The following TIPARP variants were observed in gnomAD, a reference collection of about 807,000 sequenced individuals.
TIPARP encodes the protein TCDD inducible poly(ADP-ribose) polymerase, also known as protein mono-ADP-ribosyltransferase TIPARP.
A neutral mutation model predicts 56.5 loss-of-function variants in TIPARP; 12 were observed. The observed-to-expected ratio is 0.21, with a 90% CI of 0.14 to 0.34. The LOEUF (loss-of-function observed/expected upper bound fraction) is 0.34. TIPARP is among the 10% of genes least tolerant of loss of function. The pLI, the probability that TIPARP is intolerant of heterozygous loss-of-function variation, is 1.00. For missense variants in TIPARP, 604 were observed against 781.6 expected (o/e 0.77, Z 2.71); for synonymous variants, 296 against 265.7 (o/e 1.11, Z -1.11).
chr3:156,682,175 G>T (rs549108741), intron 2 of TIPARP, among the ~76,000 whole-genome samples: 1 of 152,140 alleles, frequency 6.6e-6, no homozygotes. Context: ...TGTCAAGAAG[G>T]GACACACTGC....
Position 156,706,531 on chromosome 3 carries a change from CTGT to C in TIPARP, c.*1405_*1407del, listed in dbSNP as rs1722986541. On this transcript the variant is annotated 3_prime_UTR_variant, in exon 6 of 6. Transcript: ENST00000295924. ...CTTATTTATTTTGCCCTAGTTAATC[CTGT>C]TGTTTGCTGCCATTGGCATGAAATG... The C allele has an allele frequency of 3.3e-5, 5 of 152,692 alleles. No homozygotes were observed. In the South Asian group the frequency reaches 1.0e-3, roughly 32 times the overall value. 9.5% of individuals were successfully genotyped at this position (152,692 alleles called of 1,614,324 possible).
chr3:156,684,063 A>G (rs1037940492), intron 2 of TIPARP, among the ~76,000 whole-genome samples: 6 of 152,184 alleles, frequency 3.9e-5, no homozygotes, highest in Non-Finnish European at 8.8e-5. Context: ...AACTTAGTAC[A>G]TGTGTATATC....
chr3:156,685,460 G>A (rs1463029832), intron 2 of TIPARP, among the ~76,000 whole-genome samples: 1 of 152,254 alleles, frequency 6.6e-6, no homozygotes, highest in African/African-American at 2.4e-5. Context: ...ACAAAAAGTT[G>A]TGTAAGGAGT....
chr3:156,695,268 C>T (rs1722683780), intron 3 of TIPARP, among the ~76,000 whole-genome samples: 1 of 151,988 alleles, frequency 6.6e-6, no homozygotes, highest in Non-Finnish European at 1.5e-5. Context: ...GGCTGGAGTA[C>T]AGTGGCACAA....
chr3:156,681,355 CA>C (rs1422148322), intron 2 of TIPARP, among the ~76,000 whole-genome samples: 1 of 152,232 alleles, frequency 6.6e-6, no homozygotes, highest in Non-Finnish European at 1.5e-5. Flanking sequence ...TAATGAATGG[CA>C]GTTGTTTATC....
chr3:156,677,395 A>G (rs1430940811), intron 1 of TIPARP, among the ~76,000 whole-genome samples: 1 of 152,182 alleles, frequency 6.6e-6, no homozygotes, highest in Non-Finnish European at 1.5e-5. Flanking sequence ...GCAAACTCTT[A>G]TGTATTCAGT....
rs757972467 is a variant in TIPARP, at chr3:156,677,775, A to G, written c.78A>G (p.Gln26=). ...PPSPPDDFSC[Q]MRLSEKITPL... The stretch of plus-strand genomic sequence containing the variant: ...CTCCTCCTGATGACTTTTCATGCCA[A>G]ATGAGACTCTCTGAGAAGATCACTC... Residue 26 remains glutamine, a synonymous_variant, in exon 2 of 6, where the codon CAA becomes CAG. Coordinates refer to ENST00000295924, the MANE Select transcript of TIPARP (RefSeq NM_015508.5). 4.6e-5 allele frequency: 74 copies of G among 1,614,014 alleles called. No homozygotes were observed. The East Asian group carries it at 1.6e-3, about 35-fold the overall frequency.
At position 156,704,904 on chromosome 3, in the gene TIPARP, G is replaced by A; in HGVS notation, c.1747G>A (p.Val583Ile). The A allele has an allele frequency of 6.2e-7, 1 of 1,614,200 alleles. No individual in the cohort carries two copies. Residue 583 changes from valine (V) to isoleucine (I), a missense_variant, in exon 6 of 6, where the codon GTC becomes ATC. By Grantham distance (29) the Val-to-Ile change is conservative (BLOSUM62 3). Transcript: ENST00000295924. The part of the protein sequence containing the change: ...HNFSKKSSKG[V>I]HFMFLAKVLT... Reference sequence around the variant, plus strand: ...CTTTTCTAAGAAGTCCTCCAAAGGAGTCCACTTCATGTTTCTGGCCAAAGT... The same window carrying A: ...CTTTTCTAAGAAGTCCTCCAAAGGAATCCACTTCATGTTTCTGGCCAAAGT...
chr3:156,677,258 A>C (rs1036350693), intron 1 of TIPARP, among the ~76,000 whole-genome samples: 1 of 152,232 alleles, frequency 6.6e-6, no homozygotes, highest in Non-Finnish European at 1.5e-5. Flanking sequence ...AAACAACTAT[A>C]AAGAGAACCG....
At chr3:156,697,959 G>A (rs542185963) in intron 4 of TIPARP, among the ~76,000 whole-genome samples, 2 of 152,294 alleles carry the variant, frequency 1.3e-5, no homozygotes, top group South Asian at 2.1e-4. Context: ...CAAAGGAAAA[G>A]TTCTTGAAGG....
At chr3:156,694,877 CA>C (rs1158191861) in intron 3 of TIPARP, among the ~76,000 whole-genome samples, 6 of 152,074 alleles carry the variant, frequency 3.9e-5, no homozygotes, top group African/African-American at 1.4e-4. Flanking sequence ...TCCAGCATTA[CA>C]AAAGGGGGGA....
chr3:156,693,717 C>T (rs1351022696), intron 2 of TIPARP, among the ~76,000 whole-genome samples: 1 of 152,174 alleles, frequency 6.6e-6, no homozygotes, highest in African/African-American at 2.4e-5. Context: ...GGCCAGCCCA[C>T]TGTAGAGTGG....
At chr3:156,696,831 A>G (rs148363508) in intron 4 of TIPARP, among the ~76,000 whole-genome samples, 1 of 152,300 alleles carries the variant, frequency 6.6e-6, no homozygotes, top group African/African-American at 2.4e-5. Context: ...ACTTGGTTTT[A>G]TGAACTTTAG....
In TIPARP at chr3:156,696,034, C is replaced by T. The variant is rs753021460; in HGVS notation, c.1247+9C>T. The T allele has an allele frequency of 1.3e-5, 21 of 1,599,062 alleles. No homozygotes were observed. The East Asian group carries it at 3.8e-4, about 29-fold the overall frequency. On this transcript the variant is annotated intron_variant, in intron 4 of 5. Transcript: ENST00000295924. ...CTGCTTCCATATTTACAGTAAGTGT[C>T]GAGTATGAAGTTGCAATATTTACTC...
intron 4 of TIPARP, among the ~76,000 whole-genome samples, chr3:156,696,496 T>C (rs893749401): frequency 1.3e-5 from 2 of 152,178 alleles, no homozygotes; most frequent in African/African-American, 4.8e-5. Context: ...TAATTTACAT[T>C]CTCATTTGCT....
intron 2 of TIPARP, among the ~76,000 whole-genome samples, chr3:156,683,361 G>A (rs530332275): frequency 6.2e-4 from 95 of 152,250 alleles, no homozygotes; most frequent in African/African-American, 2.3e-3. Context: ...GACCAGAAGT[G>A]TTTCAGATTT....
intron 4 of TIPARP, among the ~76,000 whole-genome samples, chr3:156,700,192 C>T (rs765397661): frequency 6.6e-5 from 10 of 152,008 alleles, no homozygotes; most frequent in African/African-American, 1.4e-4. Flanking sequence ...ACTGTAACCT[C>T]GCACTCCTGG....
chr3:156,690,287 A>C (rs986877356), intron 2 of TIPARP, among the ~76,000 whole-genome samples: 43 of 152,006 alleles, frequency 2.8e-4, no homozygotes, highest in Admixed American at 2.7e-3. Flanking sequence ...TATTCATGTC[A>C]TAGGTCCTTT....
intron 2 of TIPARP, among the ~76,000 whole-genome samples, chr3:156,687,000 A>G (rs922080418): frequency 6.6e-6 from 1 of 152,196 alleles, no homozygotes; most frequent in Admixed American, 6.5e-5. Context: ...TTGAGATAAG[A>G]TAGAAACCTC....
Sources: allele counts gnomAD v4.1 joint callset (sites outside exome capture counted in the v4.1 genomes callset), GRCh38; gene constraint gnomAD v4.1.1; transcripts MANE v1.5; gene names NCBI Gene and HGNC (gene_info 2026-07-23, HGNC 2026-07-21).